BTBD3: variants seen among roughly 807,000 people sequenced by gnomAD.
BTBD3 encodes BTB domain containing 3.
Under a neutral mutation model 41.6 loss-of-function variants are expected in BTBD3, and 14 were observed. The ratio of observed to expected loss-of-function variants is 0.34; its 90% CI spans 0.22 to 0.53. The LOEUF (loss-of-function observed/expected upper bound fraction) is 0.53. BTBD3 is among the 20% of genes least tolerant of loss of function. BTBD3 has a pLI of 0.95. For missense variants in BTBD3, 426 were observed against 654.7 expected (o/e 0.65, Z 3.81); for synonymous variants, 249 against 233.7 (o/e 1.07, Z -0.60).
At chr20:11,905,978 G>A (rs1433513475) in intron 1 of BTBD3, among the ~76,000 whole-genome samples, 1 of 152,102 alleles carries the variant, frequency 6.6e-6, no homozygotes, top group African/African-American at 2.4e-5. Flanking sequence ...AGGCACACAT[G>A]GAATGAATTT....
At chr20:11,921,674 T>A (rs2056971079) in intron 3 of BTBD3, 1 of 152,370 alleles carries the variant, frequency 6.6e-6, no homozygotes, top group African/African-American at 2.4e-5. Flanking sequence ...CAGGTTTCAT[T>A]TGTGCTCGTG....
At chr20:11,919,311 C>G in intron 2 of BTBD3, 135 bp downstream of exon 2, 1 of 1,353,056 alleles carries the variant, frequency 7.4e-7, no homozygotes, top group South Asian at 1.6e-5. Context: ...AGAGAGCGCA[C>G]CCTCTCCAGA....
intron 3 of BTBD3, chr20:11,921,621 C>G (rs970387475): frequency 1.3e-5 from 2 of 152,210 alleles, no homozygotes; most frequent in Non-Finnish European, 2.9e-5. Flanking sequence ...CAGTAGGTGA[C>G]TTCGCCTATC....
intron 1 of BTBD3, among the ~76,000 whole-genome samples, chr20:11,891,112 G>A (rs1360693275): frequency 6.7e-6 from 1 of 150,180 alleles, no homozygotes; most frequent in Non-Finnish European, 1.5e-5. Context: ...GGACCCACGG[G>A]ACCAGAGGAT....
rs1207318633 is a variant in BTBD3, at chr20:11,923,674, C to T, written c.*8C>T. 6.3e-7 allele frequency: 1 copy of T among 1,575,068 alleles called. No homozygotes were observed. The highest frequency in any genetic ancestry group is 1.3e-5 in the African/African-American group (1 of 74,218). On this transcript the variant is annotated 3_prime_UTR_variant, in exon 4 of 4. Transcript: ENST00000378226. The surrounding 1 kb of genome is among the most constrained non-coding windows in gnomAD (Gnocchi z 5.3). ...CTTATATTCTATGCTTGAAAACTCA[C>T]TTCCTGAAGCAGCTTGAGCTCCAAA...
upstream of BTBD3, among the ~76,000 whole-genome samples, chr20:11,914,328 C>T (rs1332877156): frequency 1.3e-5 from 2 of 152,192 alleles, no homozygotes; most frequent in Middle Eastern, 3.4e-3. Context: ...TAAAGTGATA[C>T]CAAAATTTTG....
upstream of BTBD3, among the ~76,000 whole-genome samples, chr20:11,913,071 C>T (rs560373746): frequency 1.1e-3 from 170 of 152,332 alleles, 2 homozygotes; most frequent in Non-Finnish European, 1.1e-3. Flanking sequence ...AAACTACTCT[C>T]CTCTGTTAGG....
intron 1 of BTBD3, among the ~76,000 whole-genome samples, chr20:11,911,419 G>A (rs895189920): frequency 2.0e-5 from 3 of 152,140 alleles, no homozygotes; most frequent in African/African-American, 7.2e-5. Flanking sequence ...AAAGATAGGC[G>A]ATCATGTAGT....
chr20:11,896,820 AAG>A (rs2056789827), intron 1 of BTBD3, among the ~76,000 whole-genome samples: 1 of 152,212 alleles, frequency 6.6e-6, no homozygotes. Context: ...TCTTCAGAAA[AAG>A]AAATTGAATG....
At chr20:11,902,773 A>G (rs1266344373) in intron 1 of BTBD3, among the ~76,000 whole-genome samples, 1 of 152,218 alleles carries the variant, frequency 6.6e-6, no homozygotes. Flanking sequence ...GAATGGCACT[A>G]TATACAGTCA....
chr20:11,911,071 T>A (rs1257445879), intron 1 of BTBD3, among the ~76,000 whole-genome samples: 2 of 152,192 alleles, frequency 1.3e-5, no homozygotes, highest in African/African-American at 4.8e-5. Context: ...TTGTACAAAT[T>A]TTACCGTATT....
At chr20:11,906,061 A>T (rs917181892) in intron 1 of BTBD3, among the ~76,000 whole-genome samples, 5 of 151,798 alleles carry the variant, frequency 3.3e-5, no homozygotes, top group African/African-American at 1.2e-4. Flanking sequence ...GAGCAGATTT[A>T]TTTATTTATT....
intron 1 of BTBD3, among the ~76,000 whole-genome samples, chr20:11,910,772 G>T (rs1405434083): frequency 6.6e-6 from 1 of 152,120 alleles, no homozygotes; most frequent in African/African-American, 2.4e-5. Flanking sequence ...ATGTACAATT[G>T]TGTGGCATGA....
rs2057019307 is a variant in BTBD3, at chr20:11,926,358, T to G, written c.*2692T>G. On this transcript the variant is annotated 3_prime_UTR_variant, in exon 4 of 4. Coordinates refer to ENST00000378226, the MANE Select transcript of BTBD3 (RefSeq NM_014962.4). The stretch of plus-strand genomic sequence containing the variant: ...TTCTACATAATTATTGCACTGAACT[T>G]TTTTGTTTATTAAGGTGTTTAAATA... 6.6e-6 allele frequency: 1 copy of G among 152,640 alleles called. No individual in the cohort carries two copies. The highest frequency in any genetic ancestry group is 1.5e-5 in the Non-Finnish European group (1 of 68,042). 9.5% of individuals were successfully genotyped at this position (152,640 alleles called of 1,614,324 possible).
intron 1 of BTBD3, among the ~76,000 whole-genome samples, chr20:11,901,746 G>A (rs1403433211): frequency 6.6e-6 from 1 of 152,144 alleles, no homozygotes; most frequent in Admixed American, 6.5e-5. Flanking sequence ...AGGCAGTGAT[G>A]GATTTGACTA....
chr20:11,891,158 C>T (rs1161553861), intron 1 of BTBD3, among the ~76,000 whole-genome samples: 1 of 147,404 alleles, frequency 6.8e-6, no homozygotes, highest in Non-Finnish European at 1.5e-5. Flanking sequence ...AGGCGCTGGC[C>T]GCGCGGGCTG....
chr20:11,893,597 A>G (rs925412955), intron 1 of BTBD3, among the ~76,000 whole-genome samples: 2 of 152,362 alleles, frequency 1.3e-5, no homozygotes, highest in South Asian at 2.1e-4. Context: ...GGTGTGCATT[A>G]ATGTACATTT....
At chr20:11,902,458 A>G (rs895896091) in intron 1 of BTBD3, among the ~76,000 whole-genome samples, 61 of 152,284 alleles carry the variant, frequency 4.0e-4, no homozygotes, top group African/African-American at 1.4e-3. Context: ...GGCACTTTGT[A>G]TGGGTCTCAT....
chr20:11,890,981 G>A, intron 1 of BTBD3: 2 of 982,118 alleles, frequency 2.0e-6, no homozygotes, highest in East Asian at 1.1e-4. Context: ...CGGGCGAGCG[G>A]GTCGGCGCCT....
Sources: allele counts gnomAD v4.1 joint callset (sites outside exome capture counted in the v4.1 genomes callset), GRCh38; gene constraint gnomAD v4.1.1; non-coding constraint Gnocchi (gnomAD v3.1); transcripts MANE v1.5; gene names NCBI Gene and HGNC (gene_info 2026-07-23, HGNC 2026-07-21).